The following DYM variants were observed in gnomAD, a reference collection of about 807,000 sequenced individuals.
The protein encoded by DYM is dymeclin.
In DYM, 78 loss-of-function variants were observed where a neutral mutation model predicts 93.1. The observed-to-expected ratio is 0.84, with a 90% CI of 0.70 to 1.01. The LOEUF is 1.01. Among genes scored for constraint, DYM ranks in the 50% least tolerant of loss-of-function variants. DYM has a pLI of 0.00. For missense variants in DYM, 789 were observed against 845.0 expected (o/e 0.93, Z 0.82); for synonymous variants, 321 against 319.7 (o/e 1.00, Z -0.04).
chr18:49,242,832 T>TG lies in DYM; in HGVS notation c.1460+14177dup, dbSNP rs1489545206. Among the ~76,000 whole-genome samples, 7 of 152,288 alleles carry TG rather than the reference T, an allele frequency of 4.6e-5. No individual in the cohort carries two copies. The East Asian group carries it at 1.4e-3, about 29-fold the overall frequency. ...CTCCTGCCTCAGCCTCCCGAGTAGC[T>TG]GGGACTACAGGCGCCCGCCACCACG... On this transcript the variant is annotated intron_variant, in intron 13 of 17. Transcript: ENST00000675505.
intron 17 of DYM, among the ~76,000 whole-genome samples, chr18:49,087,632 C>A (rs2078664994): frequency 6.6e-6 from 1 of 152,092 alleles, no homozygotes; most frequent in Admixed American, 6.5e-5. Flanking sequence ...GGGTATATAC[C>A]CAGTAATGGG....
intron 17 of DYM, among the ~76,000 whole-genome samples, chr18:49,096,694 T>C (rs2079575383): frequency 6.6e-6 from 1 of 152,230 alleles, no homozygotes; most frequent in Non-Finnish European, 1.5e-5. Flanking sequence ...GAGTTTTATA[T>C]TGTGAGACTG....
chr18:49,305,519 T>G (rs1339198733), intron 8 of DYM, among the ~76,000 whole-genome samples: 1 of 151,152 alleles, frequency 6.6e-6, no homozygotes, highest in Non-Finnish European at 1.5e-5. Flanking sequence ...ACCTTGTCTT[T>G]CCACCTTAAA....
At chr18:49,159,832 G>A (rs1289081336) in intron 15 of DYM, among the ~76,000 whole-genome samples, 3 of 152,162 alleles carry the variant, frequency 2.0e-5, no homozygotes, top group African/African-American at 7.2e-5. Context: ...AAGTTAAATT[G>A]TTAGGAACTA....
chr18:49,090,684 G>T (rs1446892271), intron 17 of DYM, among the ~76,000 whole-genome samples: 1 of 152,092 alleles, frequency 6.6e-6, no homozygotes, highest in Non-Finnish European at 1.5e-5. Context: ...AGCCTGACAG[G>T]CCCTCCATGC....
rs1445528673 is a variant in DYM at position 49,038,429 on chromosome 18, T to G, written c.*5626A>C. On this transcript the variant is annotated 3_prime_UTR_variant, in exon 18 of 18. Transcript: ENST00000675505. ...CTAGTAATTGAATTGACCCTTTTAT[T>G]TCTTAAAAAAATTATTGCCTTAAAG... is the stretch of plus-strand genomic sequence containing the variant. Among the ~76,000 whole-genome samples the G allele has an allele frequency of 6.6e-6, 1 of 152,168 alleles. No homozygotes were observed. Among genetic ancestry groups the G allele is most frequent in the Non-Finnish European group, 1.5e-5 (1 of 68,030 alleles).
At chr18:49,358,346 T>C (rs2065742302) in intron 6 of DYM, among the ~76,000 whole-genome samples, 1 of 151,756 alleles carries the variant, frequency 6.6e-6, no homozygotes, top group South Asian at 2.1e-4. Context: ...GAAGACAAAC[T>C]GTAGAAGGAA....
chr18:49,046,301 G>A (rs1041115622), intron 17 of DYM, among the ~76,000 whole-genome samples: 3 of 142,122 alleles, frequency 2.1e-5, no homozygotes, highest in East Asian at 2.1e-4. Flanking sequence ...AGACATGCGC[G>A]CGCACACACA....
At chr18:49,458,814 G>A (rs1048436235) in intron 1 of DYM, among the ~76,000 whole-genome samples, 14 of 152,144 alleles carry the variant, frequency 9.2e-5, no homozygotes, top group Non-Finnish European at 1.8e-4. Flanking sequence ...ACTCCAGCCT[G>A]AATGACAGAG....
chr18:49,349,709 A>G (rs2064944464), intron 6 of DYM, among the ~76,000 whole-genome samples: 1 of 152,196 alleles, frequency 6.6e-6, no homozygotes, highest in Admixed American at 6.5e-5. Context: ...TCATCCCAAA[A>G]CTTTGGGAGG....
At chr18:49,447,300 G>A (rs1041972452) in intron 1 of DYM, 2 of 152,120 alleles carry the variant, frequency 1.3e-5, no homozygotes, top group Non-Finnish European at 2.9e-5. Context: ...CTTTCTCAAG[G>A]AGCTGCTCTC....
At chr18:49,391,323 A>G (rs758913621) in intron 3 of DYM, 9 of 394,916 alleles carry the variant, frequency 2.3e-5, no homozygotes, top group Non-Finnish European at 3.8e-5. Flanking sequence ...TATTTTCAGT[A>G]TTTCAAAATT....
intron 17 of DYM, among the ~76,000 whole-genome samples, chr18:49,079,762 A>T (rs189926808): frequency 1.3e-5 from 2 of 151,870 alleles, no homozygotes; most frequent in African/African-American, 4.8e-5. Context: ...AGAAGAATTT[A>T]TCTTAGTACA....
chr18:49,128,354 T>C (rs1379221415), intron 15 of DYM, among the ~76,000 whole-genome samples: 2 of 152,262 alleles, frequency 1.3e-5, no homozygotes, highest in East Asian at 1.9e-4. Flanking sequence ...TAAGTATTAG[T>C]GTTCATTTTT....
chr18:49,055,551 G>T (rs556122422), intron 17 of DYM, among the ~76,000 whole-genome samples: 1 of 152,340 alleles, frequency 6.6e-6, no homozygotes, highest in East Asian at 1.9e-4. Context: ...CTTCAAAGAT[G>T]ATGATACTAA....
At chr18:49,300,277 G>T (rs992804297) in intron 8 of DYM, among the ~76,000 whole-genome samples, 1 of 151,450 alleles carries the variant, frequency 6.6e-6, no homozygotes, top group African/African-American at 2.4e-5. Flanking sequence ...TAACCAAAAA[G>T]AATCAATTTG....
intron 5 of DYM, among the ~76,000 whole-genome samples, chr18:49,365,950 C>T (rs1175146069): frequency 6.6e-6 from 1 of 152,054 alleles, no homozygotes; most frequent in Non-Finnish European, 1.5e-5. Flanking sequence ...AGCTTTGTTA[C>T]CAATCTAATA....
At chr18:49,389,645 T>C (rs2068994244) in intron 3 of DYM, among the ~76,000 whole-genome samples, 1 of 152,044 alleles carries the variant, frequency 6.6e-6, no homozygotes, top group African/African-American at 2.4e-5. Context: ...TACAGGCACA[T>C]GCCACCATGC....
At chr18:49,172,383 T>C (rs964804404) in intron 14 of DYM, among the ~76,000 whole-genome samples, 1 of 152,226 alleles carries the variant, frequency 6.6e-6, no homozygotes, top group Non-Finnish European at 1.5e-5. Flanking sequence ...CTGGATTGTA[T>C]GTTATTTGTT....
Sources: gnomAD v4.1 joint callset for allele counts (sites outside exome capture counted in the v4.1 genomes callset) on GRCh38, gnomAD v4.1.1 for gene constraint, MANE v1.5 for transcripts, NCBI Gene and HGNC (gene_info 2026-07-23, HGNC 2026-07-21) for gene names.